TARS3: variants seen among roughly 807,000 people sequenced by gnomAD.
The protein encoded by TARS3 is threonyl-tRNA synthetase 3.
TARS3 carries 94 observed loss-of-function variants against 103.5 expected under a neutral mutation model. The ratio of observed to expected loss-of-function variants is 0.91; its 90% CI spans 0.77 to 1.08. The LOEUF is 1.08. TARS3 is among the 50% of genes least tolerant of loss of function. The probability of loss-of-function intolerance (pLI) is 0.00; values close to 1 mark genes in which losing one functional copy is unlikely to be tolerated. For synonymous variants in TARS3, 416 were observed against 355.4 expected (o/e 1.17, Z -1.92); for missense variants, 952 against 995.2 (o/e 0.96, Z 0.58).
intron 3 of TARS3, among the ~76,000 whole-genome samples, chr15:101,716,023 TTTC>T (rs375705840): frequency 6.8e-6 from 1 of 148,098 alleles, no homozygotes; most frequent in African/African-American, 2.4e-5. Context: ...CTTTGCCTAT[TTTC>T]TTTTTTTTTT....
At chr15:101,673,943 C>T (rs780829549) in intron 13 of TARS3, among the ~76,000 whole-genome samples, 13 of 152,172 alleles carry the variant, frequency 8.5e-5, no homozygotes, top group Non-Finnish European at 1.9e-4. Flanking sequence ...CCCAGGAGTA[C>T]AGTAGTCCCC....
chr15:101,659,366 G>C (rs1897296750), intron 16 of TARS3, among the ~76,000 whole-genome samples: 1 of 152,066 alleles, frequency 6.6e-6, no homozygotes, highest in Admixed American at 6.5e-5. Context: ...GAAATACAGG[G>C]TATATAATGG....
intron 10 of TARS3, among the ~76,000 whole-genome samples, chr15:101,686,442 T>G (rs1898478603): frequency 1.3e-5 from 2 of 152,202 alleles, no homozygotes; most frequent in Non-Finnish European, 2.9e-5. Flanking sequence ...GAATGCCATG[T>G]TGCATGTTAT....
intron 2 of TARS3, among the ~76,000 whole-genome samples, chr15:101,722,434 T>C (rs1900521953): frequency 1.3e-5 from 2 of 151,092 alleles, no homozygotes; most frequent in Non-Finnish European, 2.9e-5. Context: ...TCCTACCAAA[T>C]GTTGATGCTA....
Position 101,724,144 on chromosome 15 carries a change from G to A in TARS3, c.244C>T (p.Gln82Ter), listed in dbSNP as rs1356697380. ...AGCTCCGCGCTCTCCAGCGTGGCCTGGCGGCTCCGCTCCTCGGCGAGGCAC... is the reference window on the plus strand; with the variant it reads ...AGCTCCGCGCTCTCCAGCGTGGCCTAGCGGCTCCGCTCCTCGGCGAGGCAC... ...RLCLAEERSRQATLESAELEA... is the reference protein window; with the variant it reads ...RLCLAEERSR Residue 82 changes from glutamine (Q) to a stop codon, truncating the protein, a stop_gained, in exon 1 of 19, where the codon CAG becomes TAG. Coordinates refer to ENST00000335968, the MANE Select transcript of TARS3 (RefSeq NM_152334.3). LOFTEE classifies it high-confidence loss of function. The A allele has an allele frequency of 1.4e-6, 2 of 1,451,708 alleles. No homozygotes were observed. Among genetic ancestry groups the A allele is most frequent in the Non-Finnish European group, 1.8e-6 (2 of 1,102,458 alleles). 89.9% of individuals were successfully genotyped at this position (1,451,708 alleles called of 1,614,324 possible).
intron 3 of TARS3, among the ~76,000 whole-genome samples, chr15:101,720,605 G>A (rs1900400125): frequency 6.6e-6 from 1 of 151,914 alleles, no homozygotes; most frequent in African/African-American, 2.4e-5. Flanking sequence ...ATGGCCCTTG[G>A]AGAAGCCAGA....
chr15:101,667,034 T>C (rs1596286924), intron 15 of TARS3, among the ~76,000 whole-genome samples: 1 of 152,222 alleles, frequency 6.6e-6, no homozygotes, highest in East Asian at 1.9e-4. Flanking sequence ...TTAATAGGCA[T>C]GAGAAAACAT....
chr15:101,723,939 CGAGCA>C (rs1449907219), intron 1 of TARS3, 147 bp downstream of exon 1: 2 of 609,776 alleles, frequency 3.3e-6, no homozygotes, highest in Non-Finnish European at 4.7e-6. Context: ...ACGGGACCAC[CGAGCA>C]GGGCAGGGCG....
intron 4 of TARS3, among the ~76,000 whole-genome samples, chr15:101,714,033 T>C (rs766578178): frequency 3.3e-5 from 5 of 152,152 alleles, no homozygotes; most frequent in Non-Finnish European, 5.9e-5. Context: ...TTAGGTTTCA[T>C]GAAGATAATG....
intron 3 of TARS3, among the ~76,000 whole-genome samples, chr15:101,715,169 C>T (rs1177981373): frequency 8.0e-5 from 11 of 137,598 alleles, no homozygotes; most frequent in South Asian, 2.3e-4. Context: ...TTTTTTGAGA[C>T]GGAGTCTCGC....
At chr15:101,701,269 C>T in intron 9 of TARS3, 85 bp from the exon 10 acceptor site, 1 of 751,812 alleles carries the variant, frequency 1.3e-6, no homozygotes, top group Non-Finnish European at 2.1e-6. Context: ...TCAGTTATTT[C>T]CATCTTCTCT....
At chr15:101,688,764 TCAG>T (rs2141411633) in intron 10 of TARS3, among the ~76,000 whole-genome samples, 1 of 152,264 alleles carries the variant, frequency 6.6e-6, no homozygotes, top group African/African-American at 2.4e-5. Context: ...GTTAATTGCC[TCAG>T]AAGACCTAGG....
intron 9 of TARS3, 145 bp downstream of exon 9, chr15:101,702,094 G>T: frequency 1.2e-6 from 1 of 830,672 alleles, no homozygotes. Context: ...TAAAATGAAA[G>T]CACTGAGCAG....
rs753707417 is a variant in TARS3 at position 101,724,201 on chromosome 15, C to G, written c.187G>C (p.Asp63His). The change falls in exon 1 of 19, where the codon GAC (aspartate) becomes CAC (histidine). Residue 63 changes from aspartate (D) to histidine (H), a missense_variant. Asp to His is a moderately conservative substitution (Grantham distance 81). Coordinates refer to ENST00000335968, the MANE Select transcript of TARS3 (RefSeq NM_152334.3). ...AGGCTGCACAGGCGGTGGCGCAGGTCGCAGTTCTCGGCCCGGAGCTGCGCC... is the reference window on the plus strand; with the variant it reads ...AGGCTGCACAGGCGGTGGCGCAGGTGGCAGTTCTCGGCCCGGAGCTGCGCC... ...EVAQLRAENCDLRHRLCSLRL... is the reference protein window; with the variant it reads ...EVAQLRAENCHLRHRLCSLRL... 1 of 1,525,742 alleles carries G rather than the reference C, an allele frequency of 6.6e-7. No homozygotes were observed. Among genetic ancestry groups the G allele is most frequent in the African/African-American group, 1.4e-5 (1 of 70,328 alleles). The allele number at this position is 1,525,742 out of a possible 1,614,324, so 94.5% of individuals were successfully genotyped here. A position where few individuals can be genotyped will look rare whatever the true frequency, so the allele number is the denominator to read the frequency against.
rs779111721 is a variant in TARS3 at position 101,711,987 on chromosome 15, G to A, written c.705C>T (p.Ser235=). The change falls in exon 5 of 19, where the codon TCC becomes TCT. Residue 235 remains serine, a synonymous_variant. Coordinates refer to ENST00000335968, the MANE Select transcript of TARS3 (RefSeq NM_152334.3). ...TGGCCTCCCCAAGAATGTGAGCACT[G>A]GAGTGCCAGTACACCTGCATGGCAT... ...NEEAQAVYWH[S]SAHILGEAME... 1.9e-6 allele frequency: 3 copies of A among 1,613,640 alleles called. No homozygotes were observed. The highest frequency in any genetic ancestry group is 2.5e-6 in the Non-Finnish European group (3 of 1,179,686).
intron 15 of TARS3, among the ~76,000 whole-genome samples, chr15:101,670,087 T>C (rs548623858): frequency 6.6e-6 from 1 of 152,182 alleles, no homozygotes; most frequent in South Asian, 2.1e-4. Context: ...GAAGAAAATC[T>C]TCATGGCCTG....
chr15:101,671,775 A>T lies in TARS3; in HGVS notation c.1789-27T>A, dbSNP rs112797985. On this transcript the variant is annotated intron_variant, in intron 13 of 18. Transcript: ENST00000335968. The stretch of plus-strand genomic sequence containing the variant: ...TTTTTCAAAAGAAGAAAAAAGATAC[A>T]ATTATACACTGTATCTTTTTTTTTT... The T allele has an allele frequency of 8.8e-6, 14 of 1,587,470 alleles. No individual in the cohort carries two copies. In the African/African-American group the frequency reaches 1.4e-4, roughly 15 times the overall value.
At chr15:101,709,725 T>A (rs959749158) in intron 5 of TARS3, among the ~76,000 whole-genome samples, 15 of 152,210 alleles carry the variant, frequency 9.9e-5, no homozygotes, top group African/African-American at 3.4e-4. Context: ...GTTCCTTCAC[T>A]GCTGAATCAC....
chr15:101,666,283 C>T (rs1423323349), intron 15 of TARS3, among the ~76,000 whole-genome samples: 1 of 151,916 alleles, frequency 6.6e-6, no homozygotes, highest in African/African-American at 2.4e-5. Context: ...CGAGACCAGC[C>T]TGGCCAACAT....
Sources: allele counts gnomAD v4.1 joint callset (sites outside exome capture counted in the v4.1 genomes callset), GRCh38; gene constraint gnomAD v4.1.1; transcripts MANE v1.5; gene names NCBI Gene and HGNC (gene_info 2026-07-23, HGNC 2026-07-21).